GABRB1: variants seen among roughly 807,000 people sequenced by gnomAD.
The protein encoded by GABRB1 is gamma-aminobutyric acid type A receptor subunit beta1.
In GABRB1, 17 loss-of-function variants were observed where a neutral mutation model predicts 51.6. The observed-to-expected ratio is 0.33, with a 90% CI of 0.23 to 0.49. The LOEUF is 0.49. GABRB1 is among the 20% of genes least tolerant of loss of function. The pLI is 0.99. For synonymous variants in GABRB1, 247 were observed against 218.9 expected (o/e 1.13, Z -1.14); for missense variants, 410 against 600.6 (o/e 0.68, Z 3.32).
chr4:47,005,821 C>A (rs1724377228), intron 1 of GABRB1, among the ~76,000 whole-genome samples: 1 of 119,872 alleles, frequency 8.3e-6, no homozygotes, highest in South Asian at 3.0e-4. Flanking sequence ...CAAAACTGTG[C>A]CTTCATTTAA....
At chr4:47,211,719 A>C (rs185994493) in intron 4 of GABRB1, among the ~76,000 whole-genome samples, 99 of 152,290 alleles carry the variant, frequency 6.5e-4, no homozygotes, top group Non-Finnish European at 1.0e-3. Context: ...CACTGTGCTA[A>C]AGTCAAGGTA....
chr4:47,333,881 T>C (rs1725594353), intron 5 of GABRB1, among the ~76,000 whole-genome samples: 1 of 152,178 alleles, frequency 6.6e-6, no homozygotes, highest in Non-Finnish European at 1.5e-5. Flanking sequence ...TGTAAAAAGG[T>C]AGATTTCTCA....
chr4:47,048,161 A>G (rs1726180920), intron 3 of GABRB1, among the ~76,000 whole-genome samples: 1 of 152,094 alleles, frequency 6.6e-6, no homozygotes. Context: ...AAATCCCCAC[A>G]TTGTAATCAC....
chr4:47,050,381 G>A (rs1433938697), intron 3 of GABRB1, among the ~76,000 whole-genome samples: 2 of 152,074 alleles, frequency 1.3e-5, no homozygotes, highest in Non-Finnish European at 2.9e-5. Flanking sequence ...TTTTATTGGA[G>A]AGTTAGTAGA....
At chr4:47,187,400 T>G (rs374773836) in intron 4 of GABRB1, among the ~76,000 whole-genome samples, 1 of 152,002 alleles carries the variant, frequency 6.6e-6, no homozygotes, top group East Asian at 1.9e-4. Flanking sequence ...ACTCCCTCCC[T>G]CGTTGGAACC....
At chr4:47,374,572 G>T (rs1348960126) in intron 5 of GABRB1, among the ~76,000 whole-genome samples, 1 of 152,136 alleles carries the variant, frequency 6.6e-6, no homozygotes, top group Non-Finnish European at 1.5e-5. Flanking sequence ...AAGCCCTCCT[G>T]ATTTCACCAT....
At chr4:47,327,390 A>G (rs1341145897) in intron 5 of GABRB1, among the ~76,000 whole-genome samples, 1 of 152,130 alleles carries the variant, frequency 6.6e-6, no homozygotes, top group Admixed American at 6.5e-5. Flanking sequence ...ACTATTTCAA[A>G]AATTATAAAA....
chr4:47,171,817 G>T (rs1318110652), intron 4 of GABRB1, among the ~76,000 whole-genome samples: 1 of 151,912 alleles, frequency 6.6e-6, no homozygotes, highest in East Asian at 1.9e-4. Context: ...CAAAATAAAA[G>T]CCTAAGTTTT....
At chr4:47,273,430 T>C (rs1051438125) in intron 4 of GABRB1, among the ~76,000 whole-genome samples, 2 of 152,024 alleles carry the variant, frequency 1.3e-5, no homozygotes, top group African/African-American at 4.8e-5. Flanking sequence ...GGAAAGTAAA[T>C]ACAAGGAAAA....
intron 3 of GABRB1, among the ~76,000 whole-genome samples, chr4:47,128,260 T>G (rs1193511598): frequency 6.6e-6 from 1 of 151,880 alleles, no homozygotes; most frequent in Non-Finnish European, 1.5e-5. Flanking sequence ...GAAAGAACGT[T>G]AAGGCTTTAA....
At chr4:47,275,624 T>C (rs1450499406) in intron 4 of GABRB1, among the ~76,000 whole-genome samples, 3 of 152,078 alleles carry the variant, frequency 2.0e-5, no homozygotes, top group Non-Finnish European at 4.4e-5. Flanking sequence ...CAAGAAAACT[T>C]TATCATATTT....
At chr4:47,043,506 C>G (rs1725948604) in intron 3 of GABRB1, among the ~76,000 whole-genome samples, 1 of 152,018 alleles carries the variant, frequency 6.6e-6, no homozygotes. Context: ...ATCACTGTTA[C>G]CAGACATAAA....
chr4:47,398,565 G>A (rs556605544), intron 5 of GABRB1, among the ~76,000 whole-genome samples: 79 of 151,460 alleles, frequency 5.2e-4, no homozygotes, highest in Non-Finnish European at 9.6e-4. Context: ...TATAGAGAGA[G>A]AGAGAGAGAG....
intron 4 of GABRB1, among the ~76,000 whole-genome samples, chr4:47,244,676 C>T (rs1271200309): frequency 1.3e-5 from 2 of 152,052 alleles, no homozygotes; most frequent in African/African-American, 4.8e-5. Context: ...AACTAGGACT[C>T]AGAATTAAGA....
intron 4 of GABRB1, among the ~76,000 whole-genome samples, chr4:47,215,235 G>A (rs1005192595): frequency 6.6e-6 from 1 of 152,046 alleles, no homozygotes; most frequent in African/African-American, 2.4e-5. Flanking sequence ...TGAAGGTGAA[G>A]TGCATGTTTT....
At chr4:47,029,120 T>A (rs368030713), upstream of GABRB1, among the ~76,000 whole-genome samples, 1 of 151,736 alleles carries the variant, frequency 6.6e-6, no homozygotes, top group Non-Finnish European at 1.5e-5. Context: ...TTGTTGCCAG[T>A]TTTGCACTAC....
At chr4:47,163,681 A>C in intron 4 of GABRB1, among the ~76,000 whole-genome samples, 1 of 152,014 alleles carries the variant, frequency 6.6e-6, no homozygotes, top group Non-Finnish European at 1.5e-5. Context: ...TGTACCTCCT[A>C]AATCTAAAAT....
intron 4 of GABRB1, among the ~76,000 whole-genome samples, chr4:47,227,507 T>C (rs1720986306): frequency 1.3e-5 from 2 of 152,232 alleles, no homozygotes; most frequent in Admixed American, 6.5e-5. Context: ...AAGAATTAGA[T>C]AGAGAATCTG....
At chr4:47,305,553 T>C (rs938556582) in intron 4 of GABRB1, among the ~76,000 whole-genome samples, 6 of 152,108 alleles carry the variant, frequency 3.9e-5, no homozygotes, top group African/African-American at 1.4e-4. Context: ...CATTATGAGA[T>C]CATTTCCTAT....
Sources: gnomAD v4.1 joint callset for allele counts (sites outside exome capture counted in the v4.1 genomes callset) on GRCh38, gnomAD v4.1.1 for gene constraint, MANE v1.5 for transcripts, NCBI Gene and HGNC (gene_info 2026-07-23, HGNC 2026-07-21) for gene names.